Variants in PACC1 observed in about 807,000 individuals in gnomAD.
PACC1 encodes proton activated chloride channel 1.
Under a neutral mutation model 39.7 loss-of-function variants are expected in PACC1, and 34 were observed. The observed-to-expected ratio is 0.86, with a 90% CI of 0.65 to 1.14. The LOEUF (loss-of-function observed/expected upper bound fraction) is 1.14, where lower values mean the gene tolerates loss of function less well. Ranked by LOEUF, PACC1 falls within the 50% of genes most tolerant of loss-of-function variation. PACC1 has a pLI of 0.00. For synonymous variants in PACC1, 127 were observed against 160.6 expected (o/e 0.79, Z 1.58); for missense variants, 379 against 436.4 (o/e 0.87, Z 1.17).
intron 2 of PACC1, among the ~76,000 whole-genome samples, chr1:212,393,552 C>G (rs541704613): frequency 6.6e-6 from 1 of 152,254 alleles, no homozygotes; most frequent in East Asian, 1.9e-4. Flanking sequence ...CAAACACATC[C>G]AAAAGCTGGT....
At chr1:212,393,437 G>C (rs1209641510) in intron 2 of PACC1, among the ~76,000 whole-genome samples, 1 of 152,200 alleles carries the variant, frequency 6.6e-6, no homozygotes, top group East Asian at 1.9e-4. Context: ...ATTTAAAGCA[G>C]TGTGTAGAGG....
At chr1:212,396,607 A>C (rs2102520454) in intron 2 of PACC1, among the ~76,000 whole-genome samples, 1 of 136,456 alleles carries the variant, frequency 7.3e-6, no homozygotes, top group Admixed American at 8.2e-5. Context: ...TACATATTGA[A>C]AAAAAAGAAA....
In PACC1 at chr1:212,377,722, G is replaced by C. The variant is rs1158524648; in HGVS notation, c.639-16C>G. 2 of 1,613,532 alleles carry C rather than the reference G, an allele frequency of 1.2e-6. No individual in the cohort carries two copies. Among genetic ancestry groups the C allele is most frequent in the Non-Finnish European group, 1.7e-6 (2 of 1,179,706 alleles). On this transcript the variant is annotated splice_polypyrimidine_tract_variant and intron_variant, in intron 5 of 7. Coordinates refer to ENST00000261455, the MANE Select transcript of PACC1 (RefSeq NM_018252.3). ...CCTGTTTGGGCTTGGAGGAAGGAAG[G>C]AGAAGGAAGATCCAGGTCAATGCAG...
intron 4 of PACC1, among the ~76,000 whole-genome samples, chr1:212,383,533 AC>A (rs1261592535): frequency 1.3e-5 from 2 of 152,172 alleles, no homozygotes; most frequent in East Asian, 1.9e-4. Flanking sequence ...ATTAGCTTCT[AC>A]TTCCCTATTC....
intron 7 of PACC1, 25 bp from the exon 8 acceptor site, chr1:212,365,401 G>T (rs1660198304): frequency 6.4e-7 from 1 of 1,560,072 alleles, no homozygotes; most frequent in Non-Finnish European, 8.7e-7. Flanking sequence ...GAAACAAACA[G>T]GATTACTGGT....
chr1:212,373,846 A>G (rs932771120), intron 7 of PACC1, among the ~76,000 whole-genome samples: 2 of 152,168 alleles, frequency 1.3e-5, no homozygotes, highest in Admixed American at 1.3e-4. Context: ...TCAAAAAGAC[A>G]GTAAGTAACA....
Position 212,379,946 on chromosome 1 carries a change from A to G in PACC1, c.587T>C (p.Phe196Ser). The G allele has an allele frequency of 6.2e-7, 1 of 1,614,244 alleles. No homozygotes were observed. Among genetic ancestry groups the G allele is most frequent in the Non-Finnish European group, 8.5e-7 (1 of 1,180,046 alleles). Residue 196 changes from phenylalanine (F) to serine (S), a missense_variant, in exon 5 of 8, where the codon TTC becomes TCC. By Grantham distance (155) the Phe-to-Ser change is radical (BLOSUM62 -2). Coordinates refer to ENST00000261455, the MANE Select transcript of PACC1 (RefSeq NM_018252.3). Reference protein sequence around the residue: ...QFRLNKSSEDFSAIDYLLFSS... With the variant: ...QFRLNKSSEDSSAIDYLLFSS... ...GAAGAGGAGGTAATCAATGGCGCTG[A>G]AGTCCTCACTACTCTTGTTCAGGCG... is the stretch of plus-strand genomic sequence containing the variant.
intron 1 of PACC1, 83 bp downstream of exon 1, chr1:212,414,639 A>ACCCCCCCC: frequency 7.1e-7 from 1 of 1,415,948 alleles, no homozygotes; most frequent in Non-Finnish European, 9.8e-7. Context: ...CAGCCCCGAC[A>ACCCCCCCC]CCCCCCGCCC....
At chr1:212,414,606 C>A in intron 1 of PACC1, 116 bp downstream of exon 1, 8 of 1,321,442 alleles carry the variant, frequency 6.1e-6, no homozygotes, top group Middle Eastern at 2.2e-4. Flanking sequence ...CCCGTCGGTC[C>A]CTCGGAAGAG....
intron 7 of PACC1, among the ~76,000 whole-genome samples, chr1:212,374,691 A>T (rs1005757889): frequency 2.0e-5 from 3 of 152,312 alleles, no homozygotes; most frequent in African/African-American, 2.4e-5. Flanking sequence ...CAATTTTTTT[A>T]AAATATGGCA....
At chr1:212,373,685 C>T (rs1660542085) in intron 7 of PACC1, among the ~76,000 whole-genome samples, 1 of 152,032 alleles carries the variant, frequency 6.6e-6, no homozygotes, top group African/African-American at 2.4e-5. Flanking sequence ...TTAAAATGGG[C>T]AAGAGATCTG....
In PACC1 at chr1:212,364,823, G is replaced by T. The variant is rs1660172854; in HGVS notation, c.*392C>A. 1 of 153,148 alleles carries T rather than the reference G, an allele frequency of 6.5e-6. No homozygotes were observed. The highest frequency in any genetic ancestry group is 2.4e-5 in the African/African-American group (1 of 41,418). The allele number at this position is 153,148 out of a possible 1,614,324, so 9.5% of individuals were successfully genotyped here. On this transcript the variant is annotated 3_prime_UTR_variant, in exon 8 of 8. Coordinates refer to ENST00000261455, the MANE Select transcript of PACC1 (RefSeq NM_018252.3). ...TGATACTCAGGAATTTTTGGAAAAA[G>T]AAAATCACACTCTTTTGTCCACTTT...
In PACC1 at chr1:212,377,611, AC is replaced by A. The variant is rs756894026; in HGVS notation, c.733del (p.Val245Ter). ...GFRTWVKMSL[V>X]KTKEEDGREA... ...CCGCCCATCCTCCTCCTTGGTCTTT[AC>A]CAGTGACATCTTGACCCAGGTGCGG... On this transcript the variant is annotated frameshift_variant, in exon 6 of 8. Transcript: ENST00000261455. LOFTEE classifies it high-confidence loss of function. The A allele has an allele frequency of 6.2e-7, 1 of 1,614,024 alleles. No individual in the cohort carries two copies. Among genetic ancestry groups the A allele is most frequent in the Non-Finnish European group, 8.5e-7 (1 of 1,179,990 alleles).
At chr1:212,402,889 G>A (rs1661767642) in intron 2 of PACC1, among the ~76,000 whole-genome samples, 2 of 152,120 alleles carry the variant, frequency 1.3e-5, no homozygotes, top group Non-Finnish European at 2.9e-5. Context: ...CCTGACCTTA[G>A]GTGATCCACC....
At chr1:212,374,539 A>T (rs1236256062) in intron 7 of PACC1, among the ~76,000 whole-genome samples, 7 of 152,368 alleles carry the variant, frequency 4.6e-5, no homozygotes. Flanking sequence ...ATTTCAAAAT[A>T]GCTAGAAGAA....
chr1:212,385,906 A>G (rs191453642), intron 3 of PACC1, among the ~76,000 whole-genome samples: 1 of 152,308 alleles, frequency 6.6e-6, no homozygotes, highest in African/African-American at 2.4e-5. Flanking sequence ...CTCTACTGAC[A>G]GTAGCTGTCC....
chr1:212,377,748 G>C, intron 5 of PACC1, 42 bp from the exon 6 acceptor site: 1 of 1,607,176 alleles, frequency 6.2e-7, no homozygotes. Context: ...GTCAATGCAG[G>C]TCTGGCAGCA....
chr1:212,379,502 A>G (rs1660797293), intron 5 of PACC1, among the ~76,000 whole-genome samples: 1 of 152,216 alleles, frequency 6.6e-6, no homozygotes, highest in East Asian at 1.9e-4. Context: ...TTAAGCCCGC[A>G]CTAAGGGCAA....
intron 5 of PACC1, among the ~76,000 whole-genome samples, chr1:212,378,301 G>T (rs1176142402): frequency 6.6e-6 from 1 of 152,252 alleles, no homozygotes; most frequent in Non-Finnish European, 1.5e-5. Context: ...GGAGCGTGGA[G>T]TGGGGGTGGG....
Sources: allele counts gnomAD v4.1 joint callset (sites outside exome capture counted in the v4.1 genomes callset), GRCh38; gene constraint gnomAD v4.1.1; transcripts MANE v1.5; gene names NCBI Gene and HGNC (gene_info 2026-07-23, HGNC 2026-07-21).